PDE12: variants seen among roughly 807,000 people sequenced by gnomAD.
PDE12 encodes the protein 2',5'-phosphodiesterase 12.
Under a neutral mutation model 45.4 loss-of-function variants are expected in PDE12, and 26 were observed. The ratio of observed to expected loss-of-function variants is 0.57; its 90% CI spans 0.42 to 0.79. PDE12 has a LOEUF of 0.79. Among genes scored for constraint, PDE12 ranks in the 30% least tolerant of loss-of-function variants. The pLI, the probability that PDE12 is intolerant of heterozygous loss-of-function variation, is 0.00. For synonymous variants in PDE12, 283 were observed against 323.9 expected, an observed-to-expected ratio of 0.87 and a Z score of 1.36; for missense variants, 668 against 790.0, an observed-to-expected ratio of 0.85 and a Z score of 1.85.
the PDE12 span, among the ~76,000 whole-genome samples, chr3:57,651,287 T>C: frequency 6.6e-6 from 1 of 152,186 alleles, no homozygotes; most frequent in Non-Finnish European, 1.5e-5. Context: ...AACTTACAAT[T>C]TGCAAACTTA....
chr3:57,597,060 AG>A, the PDE12 span: 2 of 1,613,414 alleles, frequency 1.2e-6, no homozygotes, highest in East Asian at 4.5e-5. Flanking sequence ...CCTGACTCGC[AG>A]CCCCTCACTC....
chr3:57,585,610 TATA>T, the PDE12 span, among the ~76,000 whole-genome samples: 1 of 151,770 alleles, frequency 6.6e-6, no homozygotes. Flanking sequence ...GAACTTAAAG[TATA>T]ATAATAAAAG....
chr3:57,562,800 C>A lies in PDE12; in HGVS notation c.*2796C>A, dbSNP rs2069740828. 6.6e-6 allele frequency: 1 copy of A among 152,204 alleles called. No individual in the cohort carries two copies. The highest frequency in any genetic ancestry group is 2.4e-5 in the African/African-American group (1 of 41,456). The allele number at this position is 152,204 out of a possible 1,614,324, so 9.4% of individuals were successfully genotyped here. On this transcript the variant is annotated 3_prime_UTR_variant, in exon 3 of 3. Transcript: ENST00000311180. ...AAAATTCATGAGCAAACAATCGTTT[C>A]TGGCTGTAATGTATGTTCTTTTTGA...
the PDE12 span, among the ~76,000 whole-genome samples, chr3:57,620,701 G>A: frequency 2.0e-5 from 3 of 151,980 alleles, no homozygotes; most frequent in African/African-American, 7.3e-5. Context: ...TTGAAAAATT[G>A]TAAATTTAAA....
Position 57,557,570 on chromosome 3 carries a change from T to C in PDE12, c.1191T>C (p.His397=), listed in dbSNP as rs1201124626. 5.0e-6 allele frequency: 8 copies of C among 1,613,952 alleles called. No homozygotes were observed. Among genetic ancestry groups the C allele is most frequent in the Admixed American group, 1.7e-5 (1 of 60,006 alleles). Reference sequence around the variant, plus strand: ...CTAAGTTCAGCCTTCTTAGCCAGCATGACATTTCATTCTACGAAGCCCTCG... The same window carrying C: ...CTAAGTTCAGCCTTCTTAGCCAGCACGACATTTCATTCTACGAAGCCCTCG... The part of the protein sequence containing the change: ...RKSKFSLLSQ[H]DISFYEALES... Residue 397 remains histidine, a synonymous_variant, in exon 1 of 3, where the codon CAT becomes CAC. Coordinates refer to ENST00000311180, the MANE Select transcript of PDE12 (RefSeq NM_177966.7).
chr3:57,567,322 A>C (rs1443229027), downstream of PDE12, among the ~76,000 whole-genome samples: 4 of 152,134 alleles, frequency 2.6e-5, no homozygotes, highest in East Asian at 7.7e-4. Flanking sequence ...AAAAAAAAAA[A>C]AAAATTGAAA....
At chr3:57,584,887 G>A in the PDE12 span, among the ~76,000 whole-genome samples, 2 of 151,980 alleles carry the variant, frequency 1.3e-5, no homozygotes, top group African/African-American at 2.4e-5. Flanking sequence ...GCGGGGGGAC[G>A]TATTCTCGCT....
downstream of PDE12, among the ~76,000 whole-genome samples, chr3:57,568,858 CAAAAAA>C (rs10718820): frequency 8.4e-6 from 1 of 119,170 alleles, no homozygotes. Context: ...ATGTTATGGA[CAAAAAA>C]AAAAAAAAAA....
At chr3:57,616,639 CT>C in the PDE12 span, among the ~76,000 whole-genome samples, 1 of 152,192 alleles carries the variant, frequency 6.6e-6, no homozygotes, top group Non-Finnish European at 1.5e-5. Flanking sequence ...TTCTACCAGA[CT>C]TTTAAGGAAG....
chr3:57,596,890 C>CG, the PDE12 span: 2 of 613,850 alleles, frequency 3.3e-6, no homozygotes, highest in East Asian at 2.9e-5. Flanking sequence ...GGCGACAGAT[C>CG]GGGGGCGGGG....
At chr3:57,558,781 C>A (rs1266026034) in intron 1 of PDE12, among the ~76,000 whole-genome samples, 10 of 151,838 alleles carry the variant, frequency 6.6e-5, no homozygotes, top group Admixed American at 6.6e-4. Context: ...TGAGCCACCA[C>A]GCCCGGCCTA....
chr3:57,628,226 C>G, the PDE12 span: 1 of 1,612,408 alleles, frequency 6.2e-7, no homozygotes, highest in Non-Finnish European at 8.5e-7. Context: ...ATGTCATGCC[C>G]GTTTTGAGCA....
At chr3:57,609,956 C>T in the PDE12 span, among the ~76,000 whole-genome samples, 2 of 152,202 alleles carry the variant, frequency 1.3e-5, no homozygotes, top group South Asian at 4.2e-4. Flanking sequence ...GACCAATATC[C>T]CTGATAAACA....
At chr3:57,577,741 A>T in the PDE12 span, among the ~76,000 whole-genome samples, 1 of 152,136 alleles carries the variant, frequency 6.6e-6, no homozygotes, top group African/African-American at 2.4e-5. Flanking sequence ...CAAATCAAGG[A>T]TCCTAAAGAA....
the PDE12 span, chr3:57,627,958 C>T: frequency 2.7e-6 from 1 of 365,776 alleles, no homozygotes; most frequent in African/African-American, 2.1e-5. Context: ...CATAAGAGCA[C>T]TTTAGAACAT....
At chr3:57,653,038 G>C in the PDE12 span, among the ~76,000 whole-genome samples, 1 of 152,146 alleles carries the variant, frequency 6.6e-6, no homozygotes, top group Non-Finnish European at 1.5e-5. Context: ...TGGTTGCGTT[G>C]TATACTTGTT....
At position 57,557,325 on chromosome 3, in the gene PDE12, G is replaced by T. The variant is rs746050889; in HGVS notation, c.946G>T (p.Val316Phe). Residue 316 changes from valine (V) to phenylalanine (F), a missense_variant, in exon 1 of 3, where the codon GTT (valine) becomes TTT (phenylalanine). By Grantham distance (50) the Val-to-Phe change is conservative. Transcript: ENST00000311180. ...CGCGCAGACTGAGTTCTCGCGAACG[G>T]TTCTGTACCCATACTGTGCCCCCTA... ...TYAQTEFSRTVLYPYCAPYAL... is the reference protein window; with the variant it reads ...TYAQTEFSRTFLYPYCAPYAL... The T allele has an allele frequency of 4.3e-6, 7 of 1,613,924 alleles. No homozygotes were observed. Among genetic ancestry groups the T allele is most frequent in the Non-Finnish European group, 5.9e-6 (7 of 1,180,010 alleles).
Position 57,559,310 on chromosome 3 carries a change from G to GTTTTT in PDE12, c.1312_1313insTTTTT (p.Ser438PhefsTer38). 1.2e-6 allele frequency: 2 copies of GTTTTT among 1,601,562 alleles called. No homozygotes were observed. Among genetic ancestry groups the GTTTTT allele is most frequent in the Non-Finnish European group, 1.7e-6 (2 of 1,172,670 alleles). On this transcript the variant is annotated frameshift_variant and splice_region_variant, in exon 2 of 3. Coordinates refer to ENST00000311180, the MANE Select transcript of PDE12 (RefSeq NM_177966.7). LOFTEE classifies it high-confidence loss of function. ...TCTTGGCACTTTCCGTTTATTTTAG[G>GTTTTT]TTTCAGTTCTTCAGTCTACAAAGGA... is the stretch of plus-strand genomic sequence containing the variant.
At chr3:57,655,633 T>A in the PDE12 span, among the ~76,000 whole-genome samples, 2 of 152,168 alleles carry the variant, frequency 1.3e-5, 1 homozygote. Flanking sequence ...AATATTTTTT[T>A]AAATTACGTT....
Sources: gnomAD v4.1 joint callset for allele counts (sites outside exome capture counted in the v4.1 genomes callset) on GRCh38, gnomAD v4.1.1 for gene constraint, MANE v1.5 for transcripts, NCBI Gene and HGNC (gene_info 2026-07-23, HGNC 2026-07-21) for gene names.